Variants in NOC3L observed in about 807,000 individuals in gnomAD.
The protein encoded by NOC3L is NOC3 like DNA replication regulator, also known as nucleolar complex protein 3 homolog.
A neutral mutation model predicts 102.5 loss-of-function variants in NOC3L; 85 were observed. The observed-to-expected ratio is 0.83, with a 90% CI of 0.70 to 0.99. The LOEUF (loss-of-function observed/expected upper bound fraction) is 0.99. Among genes scored for constraint, NOC3L ranks in the 50% least tolerant of loss-of-function variants. NOC3L has a pLI of 0.00. For missense variants in NOC3L, 878 were observed against 914.9 expected (o/e 0.96, Z 0.52); for synonymous variants, 303 against 309.4 (o/e 0.98, Z 0.22).
At chr10:94,351,845 C>T (rs1465448803) in intron 8 of NOC3L, among the ~76,000 whole-genome samples, 1 of 151,962 alleles carries the variant, frequency 6.6e-6, no homozygotes, top group Non-Finnish European at 1.5e-5. Flanking sequence ...ATCCTTCTTC[C>T]CTGACTACCA....
the NOC3L span, among the ~76,000 whole-genome samples, chr10:94,317,688 T>A: frequency 6.6e-6 from 1 of 152,216 alleles, no homozygotes; most frequent in Admixed American, 6.5e-5. Context: ...ACTGCCATGT[T>A]GACTCCAAAC....
rs1564917715 is a variant in NOC3L at position 94,356,604 on chromosome 10, C to T, written c.509-13G>A. On this transcript the variant is annotated splice_polypyrimidine_tract_variant and intron_variant, in intron 4 of 20. Coordinates refer to ENST00000371361, the MANE Select transcript of NOC3L (RefSeq NM_022451.11). ...TTACTATCAGTAACTATATGGAAAACATATGTATTAAAACTGTGATATATA... is the reference window on the plus strand; with the variant it reads ...TTACTATCAGTAACTATATGGAAAATATATGTATTAAAACTGTGATATATA... 2 of 1,472,596 alleles carry T rather than the reference C, an allele frequency of 1.4e-6. No homozygotes were observed. Among genetic ancestry groups the T allele is most frequent in the African/African-American group, 2.8e-5 (2 of 72,296 alleles). The allele number at this position is 1,472,596 out of a possible 1,614,324, so 91.2% of individuals were successfully genotyped here.
At chr10:94,315,223 T>C in the NOC3L span, 5 of 335,742 alleles carry the variant, frequency 1.5e-5, no homozygotes, top group Admixed American at 2.0e-4. Flanking sequence ...TCAGTCTTCC[T>C]GAGAACCTTC....
Position 94,361,733 on chromosome 10 carries a change from C to T in NOC3L, c.149G>A (p.Arg50Lys). ...AGACACAGCATCTTTCACAGCTTGC[C>T]TTAGTTTCCTCTGTTCTTTTCGGTA... ...KKYRKEQRKL[R>K]QAVKDAVSKK... Residue 50 changes from arginine to lysine, a missense_variant, in exon 2 of 21, where the codon AGG becomes AAG. Arg to Lys is a conservative substitution (Grantham distance 26). Coordinates refer to ENST00000371361, the MANE Select transcript of NOC3L (RefSeq NM_022451.11). 1 of 1,614,154 alleles carries T rather than the reference C, an allele frequency of 6.2e-7. No homozygotes were observed. Among genetic ancestry groups the T allele is most frequent in the Admixed American group, 1.7e-5 (1 of 60,028 alleles).
chr10:94,321,870 A>G, the NOC3L span: 1 of 1,539,256 alleles, frequency 6.5e-7, no homozygotes, highest in African/African-American at 1.4e-5. Flanking sequence ...TAAACCTATT[A>G]TTTACTCACA....
chr10:94,338,897 TAGTA>T (rs1255308908), intron 17 of NOC3L, among the ~76,000 whole-genome samples, 161 bp from the exon 18 acceptor site: 1 of 152,222 alleles, frequency 6.6e-6, no homozygotes, highest in Non-Finnish European at 1.5e-5. Context: ...TAAGTTTATA[TAGTA>T]AGAACAAGAG....
the NOC3L span, among the ~76,000 whole-genome samples, chr10:94,316,236 G>C: frequency 6.6e-6 from 1 of 152,152 alleles, no homozygotes; most frequent in East Asian, 1.9e-4. Context: ...TGTGTTGCAA[G>C]ATTACAAAGG....
chr10:94,315,138 T>C, the NOC3L span: 2 of 293,234 alleles, frequency 6.8e-6, no homozygotes, highest in Non-Finnish European at 1.3e-5. Flanking sequence ...ATTATCCCTA[T>C]AGTATTTGCC....
intron 6 of NOC3L, among the ~76,000 whole-genome samples, chr10:94,354,514 CACTTT>C (rs147263175): frequency 3.7e-4 from 56 of 152,300 alleles, no homozygotes; most frequent in African/African-American, 1.0e-3. Flanking sequence ...GGCACAATAA[CACTTT>C]ACTTTAACTT....
At chr10:94,356,002 G>A (rs532985084) in intron 5 of NOC3L, among the ~76,000 whole-genome samples, 2 of 152,244 alleles carry the variant, frequency 1.3e-5, no homozygotes, top group South Asian at 2.1e-4. Context: ...TCTGCTAAGC[G>A]AAAGTAAAAT....
intron 2 of NOC3L, 147 bp downstream of exon 2, chr10:94,361,518 T>C (rs1032042896): frequency 1.5e-6 from 1 of 679,818 alleles, no homozygotes; most frequent in Non-Finnish European, 2.6e-6. Context: ...ATATGCTTTA[T>C]AGCAGTCCTA....
intron 2 of NOC3L, among the ~76,000 whole-genome samples, chr10:94,358,772 T>C (rs2054517377): frequency 6.6e-6 from 1 of 152,218 alleles, no homozygotes. Context: ...ACCAATTATG[T>C]AACCTTTCAA....
At chr10:94,343,084 CAAA>C (rs1170755229) in intron 13 of NOC3L, among the ~76,000 whole-genome samples, 1 of 94,326 alleles carries the variant, frequency 1.1e-5, no homozygotes, top group Non-Finnish European at 2.2e-5. Context: ...ACAGTGTCTC[CAAA>C]AAAAAAAAAA....
the NOC3L span, among the ~76,000 whole-genome samples, chr10:94,319,708 C>G: frequency 6.6e-6 from 1 of 152,076 alleles, no homozygotes; most frequent in Non-Finnish European, 1.5e-5. Context: ...GATCATGAGA[C>G]TCATGTCAAA....
At chr10:94,349,609 G>A (rs899564637) in intron 9 of NOC3L, among the ~76,000 whole-genome samples, 5 of 152,070 alleles carry the variant, frequency 3.3e-5, no homozygotes, top group Admixed American at 1.3e-4. Context: ...TTTGCTTCCT[G>A]TTGTGAACCA....
chr10:94,350,333 T>TTA, intron 8 of NOC3L, 45 bp from the exon 9 acceptor site: 1 of 1,545,922 alleles, frequency 6.5e-7, no homozygotes, highest in Non-Finnish European at 8.9e-7. Flanking sequence ...TGGTCAAAAG[T>TTA]TAAACTAATT....
intron 19 of NOC3L, among the ~76,000 whole-genome samples, chr10:94,336,294 C>T (rs1037260528): frequency 1.5e-4 from 23 of 152,168 alleles, no homozygotes; most frequent in African/African-American, 5.5e-4. Flanking sequence ...GTCAACCAAA[C>T]CTACCAGCAC....
At chr10:94,343,246 T>G (rs1056405223) in intron 13 of NOC3L, among the ~76,000 whole-genome samples, 1 of 152,074 alleles carries the variant, frequency 6.6e-6, no homozygotes, top group African/African-American at 2.4e-5. Context: ...AATTAGTTAT[T>G]AAAAAACAAA....
At chr10:94,341,554 T>G in intron 14 of NOC3L, 119 bp downstream of exon 14, 2 of 453,454 alleles carry the variant, frequency 4.4e-6, no homozygotes, top group Non-Finnish European at 7.7e-6. Context: ...TCAAAATTCA[T>G]AAACTGTACA....
Sources: gnomAD v4.1 joint callset for allele counts (sites outside exome capture counted in the v4.1 genomes callset) on GRCh38, gnomAD v4.1.1 for gene constraint, MANE v1.5 for transcripts, NCBI Gene and HGNC (gene_info 2026-07-23, HGNC 2026-07-21) for gene names.